NPTN: variants seen among roughly 807,000 people sequenced by gnomAD.
NPTN encodes the protein SDR-1.
In NPTN, 5 loss-of-function variants were observed where a neutral mutation model predicts 42.7. The observed-to-expected ratio is 0.12, with a 90% CI of 0.06 to 0.25. The LOEUF (loss-of-function observed/expected upper bound fraction) is 0.25, where lower values mean the gene tolerates loss of function less well. Ranked by LOEUF, NPTN falls within the 10% of genes least tolerant of loss-of-function variation. NPTN has a pLI of 1.00. For synonymous variants in NPTN, 180 were observed against 201.9 expected (o/e 0.89, Z 0.92); for missense variants, 307 against 525.4 (o/e 0.58, Z 4.06).
chr15:73,633,048 C>T, intron 1 of NPTN, 77 bp downstream of exon 1: 2 of 1,078,398 alleles, frequency 1.9e-6, no homozygotes, highest in East Asian at 6.4e-5. Flanking sequence ...CCAGCGTCTC[C>T]TCAGGCCAGA....
intron 3 of NPTN, among the ~76,000 whole-genome samples, chr15:73,587,961 G>C (rs1437312660): frequency 2.0e-5 from 3 of 152,158 alleles, no homozygotes; most frequent in Non-Finnish European, 4.4e-5. Flanking sequence ...AACCATCACG[G>C]CTGGGCACAG....
intron 4 of NPTN, among the ~76,000 whole-genome samples, chr15:73,580,069 T>C (rs989366458): frequency 1.1e-4 from 17 of 152,088 alleles, no homozygotes; most frequent in South Asian, 2.1e-4. Flanking sequence ...CTTTTTAAAA[T>C]TGGAAAACTC....
At chr15:73,568,955 G>A in intron 6 of NPTN, 1 of 985,548 alleles carries the variant, frequency 1.0e-6, no homozygotes, top group African/African-American at 1.7e-5. Flanking sequence ...GCATGCCTCT[G>A]GGGCCACATT....
In NPTN at chr15:73,566,296, T is replaced by C. The variant is rs556847690; in HGVS notation, c.1115-3039A>G. ...TGACCAACGAATAGATTTTGGAACA[T>C]TAGAACAGCTCTTCATTCTAAAGTG... On this transcript the variant is annotated intron_variant, in intron 6 of 8. Coordinates refer to ENST00000345330, the MANE Select transcript of NPTN (RefSeq NM_012428.4). Among the ~76,000 whole-genome samples, 9 of 152,310 alleles carry C rather than the reference T, an allele frequency of 5.9e-5. No individual in the cohort carries two copies. In the South Asian group the frequency reaches 1.9e-3, roughly 32 times the overall value.
intron 3 of NPTN, among the ~76,000 whole-genome samples, chr15:73,591,014 A>G (rs369338506): frequency 2.0e-5 from 3 of 152,210 alleles, no homozygotes; most frequent in African/African-American, 7.2e-5. Flanking sequence ...ATTCTAGAAA[A>G]TCAGAAGACC....
chr15:73,609,356 C>T (rs957490414), intron 1 of NPTN, among the ~76,000 whole-genome samples: 1 of 152,150 alleles, frequency 6.6e-6, no homozygotes. Context: ...CCTGGCCGGG[C>T]GCAGTGGCTC....
intron 2 of NPTN, among the ~76,000 whole-genome samples, chr15:73,592,482 C>A (rs1896640506): frequency 6.6e-6 from 1 of 152,150 alleles, no homozygotes; most frequent in South Asian, 2.1e-4. Context: ...GACAACCAGG[C>A]TCCACCTTGC....
chr15:73,605,365 T>G (rs149242132), intron 1 of NPTN, among the ~76,000 whole-genome samples: 174 of 151,214 alleles, frequency 1.2e-3, no homozygotes, highest in Non-Finnish European at 1.9e-3. Context: ...TGATTTAGAA[T>G]AAATTCTGGT....
chr15:73,601,939 G>A (rs1410660847), intron 1 of NPTN, among the ~76,000 whole-genome samples: 2 of 152,140 alleles, frequency 1.3e-5, no homozygotes, highest in Non-Finnish European at 2.9e-5. Flanking sequence ...GGGGATGGGG[G>A]ATGGGAGGCA....
At chr15:73,615,156 CT>C (rs548267204) in intron 1 of NPTN, among the ~76,000 whole-genome samples, 20,077 of 135,562 alleles carry the variant, frequency 0.15, 1,923 homozygotes, top group African/African-American at 0.3. Context: ...GCTTAACAAT[CT>C]TTTTTTTTTT....
chr15:73,611,625 G>A (rs1413404734), intron 1 of NPTN, among the ~76,000 whole-genome samples: 2 of 152,126 alleles, frequency 1.3e-5, no homozygotes, highest in African/African-American at 4.8e-5. Flanking sequence ...GTACACAGGG[G>A]ATTTTTAGGA....
At chr15:73,603,010 G>A (rs532683415) in intron 1 of NPTN, among the ~76,000 whole-genome samples, 1 of 152,296 alleles carries the variant, frequency 6.6e-6, no homozygotes, top group African/African-American at 2.4e-5. Flanking sequence ...TTCATGCCAA[G>A]AGAAACTACA....
chr15:73,625,661 T>C (rs1207467042), intron 1 of NPTN, among the ~76,000 whole-genome samples: 1 of 152,162 alleles, frequency 6.6e-6, no homozygotes, highest in Non-Finnish European at 1.5e-5. Context: ...AATTTCAACA[T>C]GATTACATGT....
intron 6 of NPTN, chr15:73,565,829 C>CCACA (rs1894959615): frequency 2.2e-6 from 1 of 455,760 alleles, no homozygotes; most frequent in Non-Finnish European, 4.4e-6. Flanking sequence ...ACCGAATGGA[C>CCACA]CACAGCCCTC....
At chr15:73,563,295 T>C in intron 6 of NPTN, 38 bp from the exon 7 acceptor site, 4 of 1,611,988 alleles carry the variant, frequency 2.5e-6, no homozygotes, top group Non-Finnish European at 3.4e-6. Flanking sequence ...CCATGAGAGA[T>C]AAGAGAAGAA....
At chr15:73,605,270 C>T (rs751972703) in intron 1 of NPTN, among the ~76,000 whole-genome samples, 7 of 151,946 alleles carry the variant, frequency 4.6e-5, no homozygotes, top group Non-Finnish European at 8.8e-5. Flanking sequence ...GAAAAAAGCA[C>T]TGCAAACCAC....
Position 73,568,326 on chromosome 15 carries a change from G to A in NPTN, c.1114+1824C>T, listed in dbSNP as rs1165889758. 2.0e-5 allele frequency: 20 copies of A among 985,412 alleles called. 1 individual carries two copies. In the South Asian group the frequency reaches 9.4e-4, roughly 46 times the overall value. The allele number at this position is 985,412 out of a possible 1,614,324, so 61.0% of individuals were successfully genotyped here. On this transcript the variant is annotated intron_variant, in intron 6 of 8. Transcript: ENST00000345330. ...CCTTGCCTTAAAATTTAAAAATCAG[G>A]TTCTGAAGTCCATCTCTGCCTTCTC...
At chr15:73,628,153 C>T (rs1898527969) in intron 1 of NPTN, among the ~76,000 whole-genome samples, 1 of 152,126 alleles carries the variant, frequency 6.6e-6, no homozygotes, top group Non-Finnish European at 1.5e-5. Context: ...AAAGCTAAGC[C>T]AATTTTTCAC....
intron 1 of NPTN, among the ~76,000 whole-genome samples, chr15:73,625,200 C>G (rs557330836): frequency 6.6e-5 from 10 of 152,246 alleles, no homozygotes; most frequent in African/African-American, 2.2e-4. Context: ...TAGAAGGTCA[C>G]TATGGTTCTC....
Sources: gnomAD v4.1 joint callset for allele counts (sites outside exome capture counted in the v4.1 genomes callset) on GRCh38, gnomAD v4.1.1 for gene constraint, MANE v1.5 for transcripts, NCBI Gene and HGNC (gene_info 2026-07-23, HGNC 2026-07-21) for gene names.